Variants in ACLY observed in about 807,000 individuals in gnomAD.
The protein encoded by ACLY is ATP citrate lyase, also known as ATP-citrate synthase.
ACLY carries 41 observed loss-of-function variants against 133.0 expected under a neutral mutation model. That is an observed-to-expected ratio of 0.31 (90% CI 0.24 to 0.40). The LOEUF (loss-of-function observed/expected upper bound fraction) is 0.40, where lower values mean the gene tolerates loss of function less well. Among genes scored for constraint, ACLY ranks in the 10% least tolerant of loss-of-function variants. The probability of loss-of-function intolerance (pLI) is 1.00; values close to 1 mark genes in which losing one functional copy is unlikely to be tolerated. For missense variants in ACLY, 1,046 were observed against 1,453.8 expected (o/e 0.72, Z 4.56); for synonymous variants, 495 against 549.3 (o/e 0.90, Z 1.38).
chr17:41,871,019 G>A lies in ACLY; in HGVS notation c.2937+670C>T, dbSNP rs560840310. On this transcript the variant is annotated intron_variant, in intron 25 of 28. Coordinates refer to ENST00000352035, the MANE Select transcript of ACLY (RefSeq NM_001096.3). The stretch of plus-strand genomic sequence containing the variant: ...GTGGTAAGCCACTGAGATTTTTGGA[G>A]TTGTCTGTTACTGCGGAATGAGGTA... Among the ~76,000 whole-genome samples, 4 of 152,330 alleles carry A rather than the reference G, an allele frequency of 2.6e-5. No individual in the cohort carries two copies. In the East Asian group the frequency reaches 7.7e-4, roughly 29 times the overall value.
chr17:41,868,393 G>A (rs1331263513), intron 28 of ACLY, among the ~76,000 whole-genome samples: 1 of 136,484 alleles, frequency 7.3e-6, no homozygotes, highest in Non-Finnish European at 1.5e-5. Context: ...AGCTGAGACC[G>A]CGCCACTGCA....
At chr17:41,913,456 A>G (rs1355797701) in intron 2 of ACLY, among the ~76,000 whole-genome samples, 2 of 152,238 alleles carry the variant, frequency 1.3e-5, no homozygotes, top group Admixed American at 6.5e-5. Context: ...CCCAGGCCAC[A>G]TGGTTAATAA....
At chr17:41,872,406 A>G (rs1368009631) in intron 23 of ACLY, among the ~76,000 whole-genome samples, 1 of 151,978 alleles carries the variant, frequency 6.6e-6, no homozygotes, top group Non-Finnish European at 1.5e-5. Flanking sequence ...GCTCACTGCA[A>G]CCTCCACCTC....
chr17:41,921,483 AAAAAAAAAAAAAC>A (rs2050181646), upstream of ACLY, among the ~76,000 whole-genome samples: 1 of 150,086 alleles, frequency 6.7e-6, no homozygotes, highest in South Asian at 2.1e-4. Flanking sequence ...GTCTCAGAAA[AAAAAAAAAAAAAC>A]AAAAAAGAAA....
At chr17:41,902,774 A>T (rs576680861) in intron 10 of ACLY, among the ~76,000 whole-genome samples, 135 of 152,316 alleles carry the variant, frequency 8.9e-4, no homozygotes, top group Non-Finnish European at 1.6e-3. Context: ...TGTCTGTTAA[A>T]TCAGGTCCAG....
chr17:41,896,775 T>C (rs2049380090), intron 13 of ACLY, 126 bp from the exon 14 acceptor site: 4 of 738,716 alleles, frequency 5.4e-6, no homozygotes, highest in South Asian at 2.7e-5. Context: ...TCATCATCCC[T>C]CTCCTGTTCT....
chr17:41,887,296 G>A lies in ACLY; in HGVS notation c.1875+303C>T, dbSNP rs574893276. 2.6e-5 allele frequency among the ~76,000 whole-genome samples: 4 copies of A among 151,860 alleles called. No homozygotes were observed. The East Asian group carries it at 5.8e-4, about 22-fold the overall frequency. ...TCGACTAAAAACACAAAAATTAGCC[G>A]GACATGGTGGCGGGTGCCTGTAATC... On this transcript the variant is annotated intron_variant, in intron 17 of 28. Transcript: ENST00000352035.
chr17:41,922,824 G>A (rs1463100530), upstream of ACLY, among the ~76,000 whole-genome samples: 3 of 152,232 alleles, frequency 2.0e-5, no homozygotes, highest in African/African-American at 7.2e-5. Flanking sequence ...TGTCCAGAGA[G>A]TGAGGGGGAA....
rs1002601079 is a variant in ACLY at position 41,893,254 on chromosome 17, C to A, written c.1460-80G>T. On this transcript the variant is annotated intron_variant, in intron 14 of 28. Coordinates refer to ENST00000352035, the MANE Select transcript of ACLY (RefSeq NM_001096.3). ...GCAGGGGCCAGGGCTGCCTGACAGA[C>A]CCCTCCACGCCCCATGTCCACAGGG... 6 of 1,453,528 alleles carry A rather than the reference C, an allele frequency of 4.1e-6. No individual in the cohort carries two copies. The Admixed American group carries it at 6.3e-5, about 15-fold the overall frequency. 90.0% of individuals were successfully genotyped at this position (1,453,528 alleles called of 1,614,324 possible).
upstream of ACLY, among the ~76,000 whole-genome samples, chr17:41,919,615 A>G (rs1176984376): frequency 6.6e-6 from 1 of 152,230 alleles, no homozygotes; most frequent in Admixed American, 6.5e-5. Context: ...GGGTGCAGGC[A>G]CAGCGCTGTC....
intron 12 of ACLY, 120 bp from the exon 13 acceptor site, chr17:41,897,959 T>C: frequency 1.2e-6 from 1 of 804,806 alleles, no homozygotes; most frequent in South Asian, 1.9e-5. Context: ...ATGCTCTTTA[T>C]AAGCTGCTTC....
intron 16 of ACLY, among the ~76,000 whole-genome samples, chr17:41,888,215 T>A (rs12937036): frequency 0.15 from 23,452 of 152,040 alleles, 1,941 homozygotes; most frequent in East Asian, 0.18. Flanking sequence ...ACTCTAACCA[T>A]CTCCTGAAAA....
upstream of ACLY, among the ~76,000 whole-genome samples, chr17:41,919,633 C>G (rs1263537835): frequency 6.6e-6 from 1 of 152,220 alleles, no homozygotes; most frequent in Middle Eastern, 3.2e-3. Context: ...GTCCGTCCCA[C>G]TCACCTGCTC....
At chr17:41,910,801 G>A (rs149920650) in intron 3 of ACLY, among the ~76,000 whole-genome samples, 2 of 152,262 alleles carry the variant, frequency 1.3e-5, no homozygotes, top group East Asian at 1.9e-4. Flanking sequence ...TAATCAGTTC[G>A]AGTGATTCCC....
intron 22 of ACLY, among the ~76,000 whole-genome samples, chr17:41,875,336 G>A (rs2048707189): frequency 7.6e-6 from 1 of 132,058 alleles, no homozygotes; most frequent in Non-Finnish European, 1.6e-5. Context: ...AGCAACAAAA[G>A]TGAAACTCCG....
chr17:41,873,323 G>A (rs2048646885), intron 23 of ACLY, among the ~76,000 whole-genome samples: 1 of 152,074 alleles, frequency 6.6e-6, no homozygotes, highest in South Asian at 2.1e-4. Context: ...GGGATTACAG[G>A]CGTGCACCAC....
chr17:41,912,497 G>C lies in ACLY; in HGVS notation c.205C>G (p.Leu69Val). ...PDQLIKRRGK[L>V]GLVGVNLTLD... Reference sequence around the variant, plus strand: ...GTGAGGTTGACCCCAACGAGACCAAGTTTTCCACGACGTTTGATCAGCTGG... The same window carrying C: ...GTGAGGTTGACCCCAACGAGACCAACTTTTCCACGACGTTTGATCAGCTGG... The change falls in exon 3 of 29, where the codon CTT (leucine) becomes GTT (valine). Residue 69 changes from leucine to valine, a missense_variant. By Grantham distance (32) the Leu-to-Val change is conservative. Around this residue, in one of 4 missense-constraint regions of ACLY, gnomAD observed 227 missense variants for 245.6 expected, o/e 0.92. Coordinates refer to ENST00000352035, the MANE Select transcript of ACLY (RefSeq NM_001096.3). 1 of 1,614,226 alleles carries C rather than the reference G, an allele frequency of 6.2e-7. No homozygotes were observed. Among genetic ancestry groups the C allele is most frequent in the Non-Finnish European group, 8.5e-7 (1 of 1,180,040 alleles).
upstream of ACLY, among the ~76,000 whole-genome samples, chr17:41,923,301 A>G (rs181897286): frequency 5.3e-3 from 808 of 152,344 alleles, 34 homozygotes; most frequent in Admixed American, 0.048. Flanking sequence ...ACCATCTCCA[A>G]GCCCAGGTTT....
chr17:41,907,528 C>T lies in ACLY; in HGVS notation c.661G>A (p.Val221Met), dbSNP rs781891151. The change falls in exon 7 of 29, where the codon GTG becomes ATG. Residue 221 changes from valine (V) to methionine (M), a missense_variant. Coordinates refer to ENST00000352035, the MANE Select transcript of ACLY (RefSeq NM_001096.3). ...GVYVLDLAAK[V>M]DATADYICKV... is the part of the protein sequence containing the mutation. Reference sequence around the variant, plus strand: ...CAGATGTAGTCGGCAGTGGCGTCCACCTTGGCCGCCAAGTCAAGGACATAG... The same window carrying T: ...CAGATGTAGTCGGCAGTGGCGTCCATCTTGGCCGCCAAGTCAAGGACATAG... 1.2e-6 allele frequency: 2 copies of T among 1,614,034 alleles called. No individual in the cohort carries two copies. The highest frequency in any genetic ancestry group is 1.7e-6 in the Non-Finnish European group (2 of 1,179,990).
Sources: gnomAD v4.1 joint callset for allele counts (sites outside exome capture counted in the v4.1 genomes callset) on GRCh38, gnomAD v4.1.1 for gene constraint, gnomAD v4.1.1 regional missense constraint, MANE v1.5 for transcripts, NCBI Gene and HGNC (gene_info 2026-07-23, HGNC 2026-07-21) for gene names.